TRIM5: variants seen among roughly 807,000 people sequenced by gnomAD.
TRIM5 encodes the protein tripartite motif-containing protein 5.
Under a neutral mutation model 35.6 loss-of-function variants are expected in TRIM5, and 31 were observed. The observed-to-expected ratio is 0.87, with a 90% CI of 0.65 to 1.18. The LOEUF is 1.18. Ranked by LOEUF, TRIM5 falls within the 50% of genes most tolerant of loss-of-function variation. The pLI is 0.00. For missense variants in TRIM5, 609 were observed against 591.6 expected (o/e 1.03, Z -0.31); for synonymous variants, 243 against 215.6 (o/e 1.13, Z -1.11).
At chr11:5,660,121 C>A (rs1314033327), downstream of TRIM5, among the ~76,000 whole-genome samples, 2 of 152,008 alleles carry the variant, frequency 1.3e-5, no homozygotes, top group Non-Finnish European at 2.9e-5. Flanking sequence ...GGACTACAGG[C>A]GCCCACCACC....
At chr11:5,636,929 G>A in the TRIM5 span, among the ~76,000 whole-genome samples, 1 of 152,148 alleles carries the variant, frequency 6.6e-6, no homozygotes, top group Admixed American at 6.5e-5. Flanking sequence ...GGTGGATCAC[G>A]AGGTCAGGAG....
the TRIM5 span, among the ~76,000 whole-genome samples, chr11:5,631,416 A>G: frequency 6.6e-6 from 1 of 152,196 alleles, no homozygotes; most frequent in South Asian, 2.1e-4. Flanking sequence ...GAATTGGGTG[A>G]TCTTTGTAAA....
chr11:5,672,907 G>A (rs1487487440), intron 4 of TRIM5, among the ~76,000 whole-genome samples: 6 of 151,914 alleles, frequency 3.9e-5, no homozygotes, highest in African/African-American at 1.5e-4. Flanking sequence ...GCAAGCACTA[G>A]GAAGAGTACT....
chr11:5,596,795 C>T, the TRIM5 span: 1 of 1,588,390 alleles, frequency 6.3e-7, no homozygotes, highest in East Asian at 2.2e-5. Context: ...AGTGAGCGCG[C>T]TCTGTTCCTT....
chr11:5,602,180 C>T, the TRIM5 span, among the ~76,000 whole-genome samples: 1 of 152,188 alleles, frequency 6.6e-6, no homozygotes, highest in South Asian at 2.1e-4. Flanking sequence ...GTGGCTCATG[C>T]CTGTAGTCCC....
the TRIM5 span, among the ~76,000 whole-genome samples, chr11:5,640,329 G>GT: frequency 0.041 from 6,188 of 151,326 alleles, 400 homozygotes; most frequent in African/African-American, 0.14. Flanking sequence ...GTTTTGTTTT[G>GT]TTTTTTTTAT....
rs891715279 is a variant in TRIM5, at chr11:5,679,777, A to G, written c.401T>C (p.Val134Ala). 6.3e-7 allele frequency: 1 copy of G among 1,594,652 alleles called. No individual in the cohort carries two copies. Among genetic ancestry groups the G allele is most frequent in the Non-Finnish European group, 8.6e-7 (1 of 1,167,852 alleles). The change falls in exon 2 of 8, where the codon GTT becomes GCT. Residue 134 changes from valine (V) to alanine (A), a missense_variant. By Grantham distance (64) the Val-to-Ala change is moderately conservative (BLOSUM62 0). Transcript: ENST00000380034. The stretch of plus-strand genomic sequence containing the variant: ...GTCTCTTACTTGGTACTCCCGGGCA[A>G]CCTCCTCTGTGAGGAACGTGTGGTG... The part of the protein sequence containing the change: ...RGHHTFLTEE[V>A]AREYQVKLQA...
chr11:5,605,885 G>C, the TRIM5 span, among the ~76,000 whole-genome samples: 1 of 152,102 alleles, frequency 6.6e-6, no homozygotes, highest in Admixed American at 6.6e-5. Context: ...TACATTTCTG[G>C]CTGGATAATT....
chr11:5,601,540 T>C, the TRIM5 span, among the ~76,000 whole-genome samples: 2 of 152,066 alleles, frequency 1.3e-5, no homozygotes, highest in African/African-American at 4.8e-5. Flanking sequence ...GGCAGATCAC[T>C]TGAGGTCAGG....
intron 2 of TRIM5, 104 bp downstream of exon 2, chr11:5,679,657 G>T: frequency 1.6e-6 from 2 of 1,244,632 alleles, no homozygotes; most frequent in Non-Finnish European, 1.1e-6. Context: ...ATAATCCCGG[G>T]TCTCAGGTCT....
the TRIM5 span, chr11:5,643,420 C>T: frequency 2.3e-4 from 364 of 1,614,078 alleles, 2 homozygotes; most frequent in South Asian, 3.1e-3. Context: ...AAATACAGAC[C>T]TCTATTTGGC....
At chr11:5,610,240 G>A in the TRIM5 span, 2 of 1,614,132 alleles carry the variant, frequency 1.2e-6, no homozygotes, top group Non-Finnish European at 1.7e-6. Context: ...CTGCGAGTGT[G>A]TAGAGGTAAG....
intron 4 of TRIM5, among the ~76,000 whole-genome samples, chr11:5,674,477 C>A (rs911800498): frequency 6.6e-6 from 1 of 152,224 alleles, no homozygotes; most frequent in Non-Finnish European, 1.5e-5. Context: ...GAGAGGTACC[C>A]TCCACAAGGA....
In TRIM5 at chr11:5,663,199, G is replaced by A; in HGVS notation, c.*1610C>T. On this transcript the variant is annotated 3_prime_UTR_variant, in exon 8 of 8. Coordinates refer to ENST00000380034, the MANE Select transcript of TRIM5 (RefSeq NM_033034.3). ...ATAATGGATTACCCCTTACATGCTA[G>A]AAATGAGTGAAGCTATTCAAAAAAC... is the stretch of plus-strand genomic sequence containing the variant. The A allele has an allele frequency of 1.1e-6, 1 of 917,242 alleles. No individual in the cohort carries two copies. The highest frequency in any genetic ancestry group is 1.3e-6 in the Non-Finnish European group (1 of 767,954). 56.8% of individuals were successfully genotyped at this position (917,242 alleles called of 1,614,324 possible).
the TRIM5 span, chr11:5,641,311 G>A: frequency 1.1e-5 from 17 of 1,558,208 alleles, no homozygotes; most frequent in South Asian, 9.4e-5. Flanking sequence ...TGGATGTATC[G>A]TTATCTTAAA....
At chr11:5,590,728 C>T in the TRIM5 span, 2 of 152,284 alleles carry the variant, frequency 1.3e-5, no homozygotes, top group East Asian at 1.9e-4. Context: ...GGGTCACCTT[C>T]CACACTGTGG....
the TRIM5 span, among the ~76,000 whole-genome samples, chr11:5,613,617 T>C: frequency 6.6e-6 from 1 of 152,202 alleles, no homozygotes; most frequent in Non-Finnish European, 1.5e-5. Flanking sequence ...CTGGAGTAGT[T>C]ATCCCCTTCC....
At chr11:5,636,974 G>A in the TRIM5 span, among the ~76,000 whole-genome samples, 44,012 of 151,936 alleles carry the variant, frequency 0.29, 7,199 homozygotes, top group East Asian at 0.62. Flanking sequence ...GTGAAACCCC[G>A]TCTCTACTAA....
the TRIM5 span, chr11:5,610,289 C>G: frequency 6.2e-7 from 1 of 1,612,424 alleles, no homozygotes. Flanking sequence ...AAATTACTGT[C>G]GTGGGAAGAA....
Sources: allele counts gnomAD v4.1 joint callset (sites outside exome capture counted in the v4.1 genomes callset), GRCh38; gene constraint gnomAD v4.1.1; transcripts MANE v1.5; gene names NCBI Gene and HGNC (gene_info 2026-07-23, HGNC 2026-07-21).